TTLL11: variants seen among roughly 807,000 people sequenced by gnomAD.
TTLL11 encodes tubulin tyrosine ligase like 11.
Under a neutral mutation model 51.7 loss-of-function variants are expected in TTLL11, and 42 were observed. The observed-to-expected ratio is 0.81, with a 90% CI of 0.64 to 1.05. The LOEUF (loss-of-function observed/expected upper bound fraction) is 1.05, where lower values mean the gene tolerates loss of function less well. Among genes scored for constraint, TTLL11 ranks in the 50% least tolerant of loss-of-function variants. The pLI is 0.00. For synonymous variants in TTLL11, 381 were observed against 383.5 expected (o/e 0.99, Z 0.08); for missense variants, 799 against 940.4 (o/e 0.85, Z 1.97).
Position 122,039,320 on chromosome 9 carries a change from A to T in TTLL11, c.511T>A (p.Ser171Thr). ...LPCDIYWHGV[S>T]FHDNDIFSGQ... The stretch of plus-strand genomic sequence containing the variant: ...GAGAATATGTCATTGTCGTGAAATG[A>T]AACTCCATGCCAGTAGATGTCACAA... The change falls in exon 2 of 9, where the codon TCA becomes ACA. Residue 171 changes from serine to threonine, a missense_variant. This residue lies in a region of TTLL11 where 468 missense variants were observed against 612.8 expected (regional missense o/e 0.76). Coordinates refer to ENST00000321582, the MANE Select transcript of TTLL11 (RefSeq NM_001139442.2). 2 of 1,614,108 alleles carry T rather than the reference A, an allele frequency of 1.2e-6. No individual in the cohort carries two copies. The highest frequency in any genetic ancestry group is 2.2e-5 in the South Asian group (2 of 91,082).
intron 4 of TTLL11, among the ~76,000 whole-genome samples, chr9:121,986,043 C>T (rs1192545929): frequency 2.0e-5 from 3 of 152,186 alleles, no homozygotes; most frequent in Admixed American, 6.5e-5. Context: ...AGAGGAAAAG[C>T]GCTTCCTTGA....
In TTLL11 at chr9:121,853,667, G is replaced by A. The variant is rs960474303; in HGVS notation, c.1840+6670C>T. Among the ~76,000 whole-genome samples the A allele has an allele frequency of 2.0e-5, 3 of 152,186 alleles. No homozygotes were observed. The highest frequency in any genetic ancestry group is 7.2e-5 in the African/African-American group (3 of 41,448). On this transcript the variant is annotated intron_variant, in intron 8 of 8. Transcript: ENST00000321582. This position sits in a 1 kb window ranked among gnomAD's most constrained non-coding sequence, Gnocchi z 5.6. ...CCTGTAAGTGATGGGAGCAGGCAGG[G>A]CTCCTGCTTCACACAGCCATGGACG...
intron 1 of TTLL11, among the ~76,000 whole-genome samples, chr9:122,067,338 G>A (rs138180275): frequency 7.2e-5 from 11 of 152,218 alleles, no homozygotes; most frequent in Non-Finnish European, 1.5e-4. Context: ...TTTCTATTAC[G>A]GTGAATCTGA....
chr9:122,011,584 G>T (rs562308390), intron 3 of TTLL11, among the ~76,000 whole-genome samples: 1 of 152,020 alleles, frequency 6.6e-6, no homozygotes, highest in East Asian at 1.9e-4. Flanking sequence ...AATGACACTG[G>T]TTATGAAAGA....
chr9:122,031,366 G>A (rs911788763), intron 3 of TTLL11, among the ~76,000 whole-genome samples: 6 of 152,164 alleles, frequency 3.9e-5, no homozygotes, highest in African/African-American at 1.2e-4. Flanking sequence ...GGAAGCCGGC[G>A]AGGCCACGGC....
intron 6 of TTLL11, among the ~76,000 whole-genome samples, chr9:121,924,285 G>C (rs1349371575): frequency 6.6e-6 from 1 of 152,216 alleles, no homozygotes; most frequent in East Asian, 1.9e-4. Flanking sequence ...TCGGCGTGTA[G>C]TGACGCCGTT....
In TTLL11 at chr9:122,031,842, C is replaced by T; in HGVS notation, c.574G>A (p.Val192Met). 3.1e-6 allele frequency: 5 copies of T among 1,613,198 alleles called. No individual in the cohort carries two copies. The highest frequency in any genetic ancestry group is 3.4e-6 in the Non-Finnish European group (4 of 1,179,472). ...GCTCTGCTCAGAGTAATTTTACGCA[C>T]CATCTCCGTCATGCCTGGGGAGAAG... ...VNKFPGMTEM[V>M]RKITLSRAVR... The change falls in exon 3 of 9, where the codon GTG (valine) becomes ATG (methionine). Residue 192 changes from valine (V) to methionine (M), a missense_variant. Physicochemically the swap from Val to Met is conservative, Grantham distance 21. Coordinates refer to ENST00000321582, the MANE Select transcript of TTLL11 (RefSeq NM_001139442.2).
At chr9:121,951,255 G>A (rs1023205739) in intron 6 of TTLL11, among the ~76,000 whole-genome samples, 1 of 152,184 alleles carries the variant, frequency 6.6e-6, no homozygotes, top group Non-Finnish European at 1.5e-5. Flanking sequence ...ATGCCTGCAA[G>A]TTTCTCATTA....
chr9:121,932,909 T>C (rs1305224950), intron 6 of TTLL11, among the ~76,000 whole-genome samples: 1 of 152,194 alleles, frequency 6.6e-6, no homozygotes, highest in Non-Finnish European at 1.5e-5. Flanking sequence ...AAAATGCAGA[T>C]GCTTTTCTTC....
At chr9:121,858,133 G>C (rs1837884687) in intron 8 of TTLL11, among the ~76,000 whole-genome samples, 1 of 152,226 alleles carries the variant, frequency 6.6e-6, no homozygotes, top group Non-Finnish European at 1.5e-5. Context: ...TCCATCTCAC[G>C]CCTCTCCTGG....
At chr9:121,881,434 T>C (rs528966796) in intron 6 of TTLL11, among the ~76,000 whole-genome samples, 25 of 152,364 alleles carry the variant, frequency 1.6e-4, no homozygotes, top group African/African-American at 6.0e-4. Context: ...CCTTATTCAG[T>C]AATTCCGTAG....
rs540908849 is a variant in TTLL11 at position 122,045,655 on chromosome 9, T to C, written c.463-6287A>G. On this transcript the variant is annotated intron_variant, in intron 1 of 8. Coordinates refer to ENST00000321582, the MANE Select transcript of TTLL11 (RefSeq NM_001139442.2). The stretch of plus-strand genomic sequence containing the variant: ...CCAAAATGTAGAAAAAGCCCAGGTG[T>C]GTCCATTAGTGGATGAAGAAATAAA... 6.6e-5 allele frequency among the ~76,000 whole-genome samples: 10 copies of C among 152,326 alleles called. No individual in the cohort carries two copies. The South Asian group carries it at 8.3e-4, about 13-fold the overall frequency.
intron 6 of TTLL11, among the ~76,000 whole-genome samples, chr9:121,930,873 T>C (rs1840940656): frequency 6.6e-6 from 1 of 152,256 alleles, no homozygotes; most frequent in South Asian, 2.1e-4. Context: ...TACTTATTAA[T>C]GTTTTTAGTC....
At chr9:121,990,403 T>C (rs1843077275) in intron 3 of TTLL11, among the ~76,000 whole-genome samples, 1 of 152,168 alleles carries the variant, frequency 6.6e-6, no homozygotes, top group Admixed American at 6.5e-5. Flanking sequence ...TGCAAGAGGC[T>C]AAGGACCTAG....
intron 1 of TTLL11, among the ~76,000 whole-genome samples, chr9:122,048,536 T>G (rs1403163414): frequency 3.9e-5 from 6 of 152,294 alleles, no homozygotes; most frequent in African/African-American, 1.4e-4. Context: ...TGCCTCCCCG[T>G]GGACCGACCA....
intron 4 of TTLL11, among the ~76,000 whole-genome samples, chr9:121,986,895 A>T (rs976542097): frequency 1.3e-5 from 2 of 152,040 alleles, no homozygotes; most frequent in Non-Finnish European, 2.9e-5. Flanking sequence ...TCCTTGACAG[A>T]AGAACTGATA....
At chr9:122,030,815 C>T (rs955659144) in intron 3 of TTLL11, among the ~76,000 whole-genome samples, 2 of 151,254 alleles carry the variant, frequency 1.3e-5, no homozygotes, top group African/African-American at 4.9e-5. Flanking sequence ...GTGGCACCCG[C>T]CTGTAGTCCC....
intron 1 of TTLL11, among the ~76,000 whole-genome samples, chr9:122,051,180 T>C (rs1383422203): frequency 6.6e-6 from 1 of 152,186 alleles, no homozygotes; most frequent in Non-Finnish European, 1.5e-5. Context: ...GCCAGGTATC[T>C]TACATAAATG....
chr9:121,870,019 C>T (rs1411943847), intron 7 of TTLL11, among the ~76,000 whole-genome samples: 1 of 152,148 alleles, frequency 6.6e-6, no homozygotes, highest in African/African-American at 2.4e-5. Flanking sequence ...TATGGCCATG[C>T]TATTTTTATA....
Sources: gnomAD v4.1 joint callset for allele counts (sites outside exome capture counted in the v4.1 genomes callset) on GRCh38, gnomAD v4.1.1 for gene constraint, gnomAD v4.1.1 regional missense constraint, Gnocchi (gnomAD v3.1) non-coding constraint, MANE v1.5 for transcripts, NCBI Gene and HGNC (gene_info 2026-07-23, HGNC 2026-07-21) for gene names.